Variants in ZNRF3 observed in about 807,000 individuals in gnomAD.
ZNRF3 encodes the protein E3 ubiquitin-protein ligase ZNRF3.
A neutral mutation model predicts 72.5 loss-of-function variants in ZNRF3; 23 were observed. That is an observed-to-expected ratio of 0.32 (90% CI 0.23 to 0.45). ZNRF3 has a LOEUF of 0.45. Among genes scored for constraint, ZNRF3 ranks in the 20% least tolerant of loss-of-function variants. The pLI is 1.00. For synonymous variants in ZNRF3, 610 were observed against 545.3 expected (o/e 1.12, Z -1.65); for missense variants, 1,169 against 1,272.1 (o/e 0.92, Z 1.23).
intron 2 of ZNRF3, among the ~76,000 whole-genome samples, chr22:29,013,663 T>C (rs16986965): frequency 0.019 from 2,853 of 152,284 alleles, 82 homozygotes; most frequent in African/African-American, 0.065. Flanking sequence ...TCCCTGATAA[T>C]TTGGATGTCA....
At chr22:28,913,799 A>G (rs1383093382) in intron 1 of ZNRF3, among the ~76,000 whole-genome samples, 1 of 152,112 alleles carries the variant, frequency 6.6e-6, no homozygotes, top group Non-Finnish European at 1.5e-5. Flanking sequence ...TCTTGTAGGC[A>G]TTTTGTAGCC....
At chr22:28,936,332 C>CTGAGAGA (rs1319249432) in intron 1 of ZNRF3, among the ~76,000 whole-genome samples, 3 of 152,226 alleles carry the variant, frequency 2.0e-5, no homozygotes, top group African/African-American at 7.2e-5. Context: ...TCTCTCATCT[C>CTGAGAGA]TGCCTATTCA....
intron 2 of ZNRF3, among the ~76,000 whole-genome samples, chr22:28,999,446 A>T (rs1045024026): frequency 5.9e-5 from 9 of 152,182 alleles, no homozygotes; most frequent in African/African-American, 2.2e-4. Flanking sequence ...ACTGTACTCT[A>T]GTCTGGGTGA....
intron 1 of ZNRF3, among the ~76,000 whole-genome samples, chr22:28,968,597 G>A (rs1292254733): frequency 6.6e-6 from 1 of 151,954 alleles, no homozygotes; most frequent in Non-Finnish European, 1.5e-5. Flanking sequence ...TAATCCCAGC[G>A]ACTTGGGAGG....
chr22:29,046,541 C>T (rs574302791), intron 5 of ZNRF3, among the ~76,000 whole-genome samples, 175 bp from the exon 6 acceptor site: 3 of 152,266 alleles, frequency 2.0e-5, no homozygotes, highest in Non-Finnish European at 2.9e-5. Flanking sequence ...GGACACCCCA[C>T]GCGTCTGGAG....
chr22:29,013,764 G>C (rs1355670099), intron 2 of ZNRF3, among the ~76,000 whole-genome samples: 1 of 152,214 alleles, frequency 6.6e-6, no homozygotes, highest in Non-Finnish European at 1.5e-5. Context: ...TCAAGAACCA[G>C]ATTCTATCAC....
intron 1 of ZNRF3, among the ~76,000 whole-genome samples, chr22:28,954,762 G>A (rs2035225895): frequency 6.6e-6 from 1 of 152,010 alleles, no homozygotes; most frequent in Non-Finnish European, 1.5e-5. Flanking sequence ...CTACAGGTGT[G>A]TGCCACCATG....
chr22:28,950,645 G>A (rs901405098), intron 1 of ZNRF3, among the ~76,000 whole-genome samples: 1 of 152,004 alleles, frequency 6.6e-6, no homozygotes, highest in African/African-American at 2.4e-5. Context: ...GGCTCTTTAG[G>A]GCCTTCCTCC....
intron 1 of ZNRF3, among the ~76,000 whole-genome samples, chr22:28,937,204 TATATATA>T (rs1468518815): frequency 0.011 from 44 of 4,154 alleles, no homozygotes; most frequent in Non-Finnish European, 0.013. Context: ...TATATATATA[TATATATA>T]TATATTTTTT....
At chr22:28,992,045 C>T (rs376373470) in intron 2 of ZNRF3, among the ~76,000 whole-genome samples, 1 of 151,780 alleles carries the variant, frequency 6.6e-6, no homozygotes, top group African/African-American at 2.4e-5. Flanking sequence ...ACTAGCTACT[C>T]GGGAGGCTGA....
chr22:28,911,425 A>G (rs1281456861), intron 1 of ZNRF3, among the ~76,000 whole-genome samples: 1 of 152,214 alleles, frequency 6.6e-6, no homozygotes, highest in Non-Finnish European at 1.5e-5. Flanking sequence ...CTCACTGCAC[A>G]GCAGTCGGCA....
At chr22:29,002,610 G>T (rs909432517) in intron 2 of ZNRF3, among the ~76,000 whole-genome samples, 1 of 152,194 alleles carries the variant, frequency 6.6e-6, no homozygotes, top group African/African-American at 2.4e-5. Flanking sequence ...TTGCTGATGC[G>T]CACCAGACTG....
chr22:28,977,311 C>T (rs900929421), intron 1 of ZNRF3, among the ~76,000 whole-genome samples: 1 of 152,120 alleles, frequency 6.6e-6, no homozygotes, highest in Admixed American at 6.6e-5. Flanking sequence ...CCCTTCATTG[C>T]TATGACAACA....
intron 5 of ZNRF3, 82 bp from the exon 6 acceptor site, chr22:29,046,634 G>A (rs2037075144): frequency 8.0e-6 from 11 of 1,382,440 alleles, no homozygotes; most frequent in East Asian, 2.5e-5. Flanking sequence ...GCCTGTCCCA[G>A]TGAATCGTGT....
intron 1 of ZNRF3, among the ~76,000 whole-genome samples, chr22:28,929,281 C>T (rs2034663475): frequency 6.6e-6 from 1 of 152,208 alleles, no homozygotes; most frequent in Non-Finnish European, 1.5e-5. Flanking sequence ...TCTTGGGATT[C>T]CTTTTTCCTT....
At chr22:28,989,039 G>A (rs1438253357) in intron 2 of ZNRF3, among the ~76,000 whole-genome samples, 1 of 152,044 alleles carries the variant, frequency 6.6e-6, no homozygotes, top group Non-Finnish European at 1.5e-5. Flanking sequence ...GATGCCAGGG[G>A]GAATAAAAAA....
chr22:28,900,088 C>T (rs925619271), intron 1 of ZNRF3, among the ~76,000 whole-genome samples: 1 of 152,136 alleles, frequency 6.6e-6, no homozygotes, highest in African/African-American at 2.4e-5. Context: ...TCTCTCAACT[C>T]CTGCCAACCT....
chr22:28,909,105 C>T (rs2034267698), intron 1 of ZNRF3, among the ~76,000 whole-genome samples: 1 of 152,038 alleles, frequency 6.6e-6, no homozygotes. Context: ...AGGGTTTCAG[C>T]ATGTTGCCCA....
At chr22:28,959,339 C>G (rs575193581) in intron 1 of ZNRF3, among the ~76,000 whole-genome samples, 1 of 152,188 alleles carries the variant, frequency 6.6e-6, no homozygotes, top group African/African-American at 2.4e-5. Context: ...CTTCTCTTTT[C>G]TTCTGTCTTT....
Sources: allele counts gnomAD v4.1 joint callset (sites outside exome capture counted in the v4.1 genomes callset), GRCh38; gene constraint gnomAD v4.1.1; transcripts MANE v1.5; gene names NCBI Gene and HGNC (gene_info 2026-07-23, HGNC 2026-07-21).